Variants in ALK observed in about 807,000 individuals in gnomAD.
ALK encodes the protein ALK tyrosine kinase receptor.
In ALK, 74 loss-of-function variants were observed where a neutral mutation model predicts 163.1. The ratio of observed to expected loss-of-function variants is 0.45; its 90% CI spans 0.38 to 0.55. The LOEUF (loss-of-function observed/expected upper bound fraction) is 0.55. Ranked by LOEUF, ALK falls within the 20% of genes least tolerant of loss-of-function variation. The probability of loss-of-function intolerance (pLI) is 0.00; values close to 1 mark genes in which losing one functional copy is unlikely to be tolerated. For missense variants in ALK, 2,063 were observed against 2,105.3 expected (o/e 0.98, Z 0.39); for synonymous variants, 960 against 843.2 (o/e 1.14, Z -2.40).
intron 3 of ALK, among the ~76,000 whole-genome samples, chr2:29,683,549 T>C (rs114241523): frequency 0.028 from 4,248 of 152,246 alleles, 92 homozygotes; most frequent in Middle Eastern, 0.061. Flanking sequence ...ACCAATCACT[T>C]AGTAGAAAGA....
chr2:29,723,070 G>A (rs1338810408), intron 1 of ALK, among the ~76,000 whole-genome samples: 2 of 152,056 alleles, frequency 1.3e-5, no homozygotes. Context: ...TGTTCTCTAT[G>A]TGGCAGTTAG....
intron 12 of ALK, among the ~76,000 whole-genome samples, chr2:29,241,014 G>A (rs891028274): frequency 1.3e-5 from 2 of 152,214 alleles, no homozygotes; most frequent in African/African-American, 2.4e-5. Flanking sequence ...CAGAGCCCAC[G>A]GCCCTTCTGC....
chr2:29,920,332 A>G lies in ALK; in HGVS notation c.328T>C (p.Trp110Arg), dbSNP rs1572503431. The part of the protein sequence containing the change: ...RLLGPAPGVS[W>R]TAGSPAPAEA... The stretch of plus-strand genomic sequence containing the variant: ...GCCGGGGCTGGTGAACCGGCGGTCC[A>G]GGAGACCCCCGGCGCCGGCCCCAGC... The change falls in exon 1 of 29, where the codon TGG becomes CGG. Residue 110 changes from tryptophan to arginine, a missense_variant. Trp to Arg is a moderately radical substitution (Grantham distance 101, BLOSUM62 -3). Around this residue, in one of 5 missense-constraint regions of ALK, gnomAD observed 987 missense variants for 939.5 expected, o/e 1.05. Transcript: ENST00000389048. 1.9e-6 allele frequency: 3 copies of G among 1,553,012 alleles called. No homozygotes were observed. The highest frequency in any genetic ancestry group is 2.4e-5 in the East Asian group (1 of 41,274).
intron 1 of ALK, among the ~76,000 whole-genome samples, chr2:29,749,751 C>T (rs916516775): frequency 4.1e-5 from 6 of 147,942 alleles, no homozygotes; most frequent in African/African-American, 8.0e-5. Flanking sequence ...TCAGTTTAGC[C>T]GAACAGCTTA....
rs532131207 is a variant in ALK, at chr2:29,246,261, G to T, written c.2204+4844C>A. 6.6e-6 allele frequency among the ~76,000 whole-genome samples: 1 copy of T among 152,066 alleles called. No individual in the cohort carries two copies. The highest frequency in any genetic ancestry group is 1.5e-5 in the Non-Finnish European group (1 of 67,960). ...GAGGAAAGAAGTCAGGGAGAGAGAG[G>T]GGGCGGGCTGGGCTGAGTGCTGGCG... On this transcript the variant is annotated intron_variant, in intron 12 of 28. Coordinates refer to ENST00000389048, the MANE Select transcript of ALK (RefSeq NM_004304.5). The surrounding 1 kb of genome is among the most constrained non-coding windows in gnomAD (Gnocchi z 4.3).
rs1212504281 is a variant in ALK, at chr2:29,193,879, G to A, written c.4208C>T (p.Pro1403Leu). 6.2e-7 allele frequency: 1 copy of A among 1,613,994 alleles called. No individual in the cohort carries two copies. The highest frequency in any genetic ancestry group is 2.2e-5 in the East Asian group (1 of 44,896). The change falls in exon 29 of 29, where the codon CCA becomes CTA. Residue 1403 changes from proline (P) to leucine (L), a missense_variant. Pro to Leu is a moderately conservative substitution (Grantham distance 98). Around this residue, in one of 5 missense-constraint regions of ALK, gnomAD observed 403 missense variants for 366.2 expected, o/e 1.10. Coordinates refer to ENST00000389048, the MANE Select transcript of ALK (RefSeq NM_004304.5). ...INTALPIEYG[P>L]LVEEEEKVPV... is the part of the protein sequence containing the mutation. ...CACTTTCTCTTCCTCTTCCACAAGT[G>A]GACCATATTCTATCGGCAAAGCGGT...
intron 3 of ALK, among the ~76,000 whole-genome samples, chr2:29,545,248 C>T (rs553728114): frequency 6.4e-4 from 97 of 152,276 alleles, no homozygotes; most frequent in African/African-American, 2.2e-3. Context: ...TAGATGGCCT[C>T]ACCATGGCTG....
intron 3 of ALK, among the ~76,000 whole-genome samples, chr2:29,642,566 G>A (rs1271350306): frequency 6.6e-6 from 1 of 151,972 alleles, no homozygotes; most frequent in South Asian, 2.1e-4. Context: ...TTCAAATCTG[G>A]GTCGGCATAA....
chr2:29,857,420 A>G (rs1161694694), intron 1 of ALK, among the ~76,000 whole-genome samples: 2 of 152,192 alleles, frequency 1.3e-5, no homozygotes, highest in Non-Finnish European at 2.9e-5. Context: ...AAGGGAAAAT[A>G]CAAACCAATG....
chr2:29,337,890 C>T (rs1438023333), intron 5 of ALK, among the ~76,000 whole-genome samples: 1 of 152,178 alleles, frequency 6.6e-6, no homozygotes, highest in African/African-American at 2.4e-5. Flanking sequence ...ATACTAGGCT[C>T]CAGCCCCCAT....
intron 1 of ALK, among the ~76,000 whole-genome samples, chr2:29,789,248 C>T (rs1214218836): frequency 6.6e-6 from 1 of 152,132 alleles, no homozygotes; most frequent in Non-Finnish European, 1.5e-5. Context: ...AGAGCAAATG[C>T]TGAGAATCTC....
chr2:29,265,167 A>G (rs1665186801), intron 11 of ALK, among the ~76,000 whole-genome samples: 1 of 152,096 alleles, frequency 6.6e-6, no homozygotes, highest in Admixed American at 6.6e-5. Context: ...TTACAGGCAC[A>G]TACCACCACA....
In ALK at chr2:29,275,129, G is replaced by A. The variant is rs145780832; in HGVS notation, c.2011C>T (p.Pro671Ser). 1,216 of 1,614,130 alleles carry A rather than the reference G, an allele frequency of 7.5e-4. 19 individuals carry two copies. The South Asian group carries it at 0.012, about 16-fold the overall frequency. ...GGGTCAAAGATGGGGGTCTGTCTTG[G>A]TGAATTTTCCCCGGGTTTCAGCTCC... is the stretch of plus-strand genomic sequence containing the variant. ...NKELKPGENS[P>S]RQTPIFDPTV... Residue 671 changes from proline to serine, a missense_variant, in exon 11 of 29, where the codon CCA (proline) becomes TCA (serine). This residue lies in a region of ALK where 987 missense variants were observed against 939.5 expected (regional missense o/e 1.05). Transcript: ENST00000389048.
chr2:29,207,437 C>G (rs889323121), intron 25 of ALK, among the ~76,000 whole-genome samples, 165 bp from the exon 26 acceptor site: 1 of 152,184 alleles, frequency 6.6e-6, no homozygotes, highest in African/African-American at 2.4e-5. Flanking sequence ...GCACACAGAT[C>G]ATTTAGTTAA....
chr2:29,590,504 G>A (rs1675018569), intron 3 of ALK, among the ~76,000 whole-genome samples: 1 of 152,112 alleles, frequency 6.6e-6, no homozygotes, highest in Non-Finnish European at 1.5e-5. Flanking sequence ...GTGTTATTAA[G>A]AAACTTGCTA....
intron 5 of ALK, among the ~76,000 whole-genome samples, chr2:29,356,297 C>CT (rs1298905574): frequency 6.6e-6 from 1 of 152,138 alleles, no homozygotes; most frequent in Non-Finnish European, 1.5e-5. Flanking sequence ...TTATTAACTT[C>CT]TTTTTTGCAG....
chr2:29,454,545 T>C (rs1670902001), intron 4 of ALK, among the ~76,000 whole-genome samples: 1 of 152,214 alleles, frequency 6.6e-6, no homozygotes, highest in Admixed American at 6.5e-5. Context: ...TTGTATATGC[T>C]GTGCTGTCTT....
At chr2:29,371,952 T>C (rs1668648021) in intron 5 of ALK, among the ~76,000 whole-genome samples, 1 of 152,176 alleles carries the variant, frequency 6.6e-6, no homozygotes, top group Admixed American at 6.5e-5. Flanking sequence ...AGAGTGTGGG[T>C]AATCACTATG....
intron 1 of ALK, among the ~76,000 whole-genome samples, chr2:29,755,788 G>A (rs192893300): frequency 9.9e-5 from 15 of 152,192 alleles, no homozygotes; most frequent in South Asian, 4.1e-4. Context: ...CTGTTCCTGC[G>A]GGGCTGTCAC....
Sources: gnomAD v4.1 joint callset for allele counts (sites outside exome capture counted in the v4.1 genomes callset) on GRCh38, gnomAD v4.1.1 for gene constraint, gnomAD v4.1.1 regional missense constraint, Gnocchi (gnomAD v3.1) non-coding constraint, MANE v1.5 for transcripts, NCBI Gene and HGNC (gene_info 2026-07-23, HGNC 2026-07-21) for gene names.